PATJ: variants seen among roughly 807,000 people sequenced by gnomAD.
The protein encoded by PATJ is PATJ crumbs cell polarity complex component.
A neutral mutation model predicts 224.9 loss-of-function variants in PATJ; 190 were observed. The observed-to-expected ratio is 0.84, with a 90% CI of 0.75 to 0.95. The LOEUF (loss-of-function observed/expected upper bound fraction) is 0.95, where lower values mean the gene tolerates loss of function less well. Ranked by LOEUF, PATJ falls within the 40% of genes least tolerant of loss-of-function variation. The probability of loss-of-function intolerance (pLI) is 0.00; values close to 1 mark genes in which losing one functional copy is unlikely to be tolerated. For missense variants in PATJ, 2,121 were observed against 2,270.3 expected, an observed-to-expected ratio of 0.93 and a Z score of 1.34; for synonymous variants, 769 against 820.3, an observed-to-expected ratio of 0.94 and a Z score of 1.07.
intron 27 of PATJ, among the ~76,000 whole-genome samples, chr1:61,985,646 C>T (rs865911213): frequency 2.0e-5 from 3 of 152,002 alleles, no homozygotes; most frequent in Admixed American, 6.6e-5. Flanking sequence ...ACAGGACAAA[C>T]ACTTGATCCA....
chr1:62,142,862 C>A (rs750036176), intron 41 of PATJ, among the ~76,000 whole-genome samples: 8 of 152,096 alleles, frequency 5.3e-5, no homozygotes, highest in Non-Finnish European at 1.2e-4. Flanking sequence ...ATGGAGGGAA[C>A]TTTATATGCA....
At chr1:62,070,870 A>G (rs1162401919) in intron 31 of PATJ, among the ~76,000 whole-genome samples, 10 of 152,160 alleles carry the variant, frequency 6.6e-5, no homozygotes. Context: ...ACTGGGGTTA[A>G]ATCTTTCAGG....
intron 14 of PATJ, among the ~76,000 whole-genome samples, chr1:61,819,998 C>T (rs2148706230): frequency 6.6e-6 from 1 of 152,184 alleles, no homozygotes; most frequent in East Asian, 1.9e-4. Context: ...ATTTTGAGTA[C>T]TTGTTACATT....
At chr1:61,759,083 A>G (rs996155198) in intron 1 of PATJ, among the ~76,000 whole-genome samples, 2 of 152,200 alleles carry the variant, frequency 1.3e-5, no homozygotes, top group African/African-American at 4.8e-5. Context: ...AACCTTTATC[A>G]TGTTTGCTAG....
intron 12 of PATJ, among the ~76,000 whole-genome samples, chr1:61,802,959 G>A (rs1322509677): frequency 6.6e-6 from 1 of 152,042 alleles, no homozygotes; most frequent in Non-Finnish European, 1.5e-5. Flanking sequence ...TCTTGTCTCA[G>A]GTCAGGAAAG....
chr1:61,802,543 T>C (rs1400403461), intron 12 of PATJ, among the ~76,000 whole-genome samples: 2 of 152,160 alleles, frequency 1.3e-5, no homozygotes, highest in African/African-American at 4.8e-5. Flanking sequence ...CCCCCCAAAG[T>C]GCTGAGATTA....
At chr1:61,770,654 C>G (rs1184217480) in intron 5 of PATJ, among the ~76,000 whole-genome samples, 1 of 152,004 alleles carries the variant, frequency 6.6e-6, no homozygotes, top group Non-Finnish European at 1.5e-5. Flanking sequence ...TAAAAGGGCT[C>G]AGATTGGCCA....
In PATJ at chr1:61,821,201, T is replaced by G. The variant is rs544229578; in HGVS notation, c.1684-1744T>G. Among the ~76,000 whole-genome samples, 6 of 152,192 alleles carry G rather than the reference T, an allele frequency of 3.9e-5. No individual in the cohort carries two copies. The East Asian group carries it at 1.2e-3, about 30-fold the overall frequency. On this transcript the variant is annotated intron_variant, in intron 14 of 43. Transcript: ENST00000642238. ...CTGGGACTACAGGCGCCTGCCACCA[T>G]GCCCGGCTAATTTTTTTGTATTTTT...
At chr1:62,150,079 G>A (rs1199059309) in intron 42 of PATJ, among the ~76,000 whole-genome samples, 2 of 152,134 alleles carry the variant, frequency 1.3e-5, no homozygotes, top group Non-Finnish European at 2.9e-5. Flanking sequence ...TTGGAAATGG[G>A]GGCTGTGTTT....
chr1:61,761,447 T>C (rs1557595072), intron 1 of PATJ, among the ~76,000 whole-genome samples: 1 of 152,116 alleles, frequency 6.6e-6, no homozygotes, highest in Non-Finnish European at 1.5e-5. Flanking sequence ...AAAGGGTAGA[T>C]TAACAAGAGA....
At position 62,153,431 on chromosome 1, in the gene PATJ, G is replaced by A; in HGVS notation, c.5452G>A (p.Gly1818Arg). 1.6e-6 allele frequency: 2 copies of A among 1,231,126 alleles called. No individual in the cohort carries two copies. Among genetic ancestry groups the A allele is most frequent in the Non-Finnish European group, 2.0e-6 (2 of 987,038 alleles). 76.3% of individuals were successfully genotyped at this position (1,231,126 alleles called of 1,614,324 possible). ...GLGFSIVGGY[G>R]SPHGDLPIYV... The stretch of plus-strand genomic sequence containing the variant: ...GGGGTTTAGTATTGTAGGGGGTTAT[G>A]GAAGTCCCCATGGAGACCTGCCAAT... Residue 1818 changes from glycine to arginine, a missense_variant, in exon 43 of 44, where the codon GGA becomes AGA. Gly to Arg is a moderately radical substitution (Grantham distance 125). Coordinates refer to ENST00000642238, the MANE Select transcript of PATJ (RefSeq NM_001350145.3).
At chr1:62,071,924 C>T (rs1444349339) in intron 31 of PATJ, among the ~76,000 whole-genome samples, 1 of 152,208 alleles carries the variant, frequency 6.6e-6, no homozygotes, top group Non-Finnish European at 1.5e-5. Context: ...CTGGGTGTCT[C>T]TCAGACGTTA....
chr1:61,891,661 T>C (rs1669625578), intron 22 of PATJ, among the ~76,000 whole-genome samples: 1 of 152,212 alleles, frequency 6.6e-6, no homozygotes, highest in African/African-American at 2.4e-5. Context: ...CTTTGATTAC[T>C]AATTCAGGCT....
At chr1:61,887,651 G>A (rs958440238) in intron 22 of PATJ, among the ~76,000 whole-genome samples, 12 of 152,168 alleles carry the variant, frequency 7.9e-5, no homozygotes, top group Middle Eastern at 3.2e-3. Flanking sequence ...TCAGTGAAGA[G>A]GTCAGGGTGT....
At chr1:61,964,521 G>C (rs1409031280) in intron 27 of PATJ, among the ~76,000 whole-genome samples, 2 of 152,154 alleles carry the variant, frequency 1.3e-5, no homozygotes, top group Non-Finnish European at 2.9e-5. Context: ...GGGTGCAGTG[G>C]CTCACGCCTG....
intron 27 of PATJ, among the ~76,000 whole-genome samples, chr1:61,969,147 T>C (rs1305775408): frequency 6.6e-6 from 1 of 152,244 alleles, no homozygotes; most frequent in East Asian, 1.9e-4. Flanking sequence ...ACCTTTGAGT[T>C]GCTTCCACCT....
chr1:61,985,666 T>G lies in PATJ; in HGVS notation c.3671-4502T>G, dbSNP rs6680344. ...ACAAACACTTGATCCAGTGGTGGCATTTCTCTGCACCTGCAGATGTTCCAG... is the reference window on the plus strand; with the variant it reads ...ACAAACACTTGATCCAGTGGTGGCAGTTCTCTGCACCTGCAGATGTTCCAG... On this transcript the variant is annotated intron_variant, in intron 27 of 43. Transcript: ENST00000642238. Among the ~76,000 whole-genome samples the G allele has an allele frequency of 1.9e-3, 296 of 152,126 alleles. 5 individuals carry two copies. The highest frequency in any genetic ancestry group is 6.7e-3 in the African/African-American group (279 of 41,406).
rs143232169 is a variant in PATJ, at chr1:62,088,797, A to AAT, written c.4377+4161_4377+4162dup. Among the ~76,000 whole-genome samples, 682 of 148,536 alleles carry AAT rather than the reference A, an allele frequency of 4.6e-3. 6 individuals are homozygous for AAT. Among genetic ancestry groups the AAT allele is most frequent in the African/African-American group, 0.016 (637 of 40,770 alleles). On this transcript the variant is annotated intron_variant, in intron 33 of 43. Transcript: ENST00000642238. ...GGATCAGATATCTTATAAACAGTAG[A>AAT]ATATATATATATAGAATATATAGAA...
At chr1:61,871,079 G>GTT (rs1274894642) in intron 20 of PATJ, among the ~76,000 whole-genome samples, 5 of 64,972 alleles carry the variant, frequency 7.7e-5, no homozygotes, top group East Asian at 5.8e-4. Flanking sequence ...TGTTTTTTTT[G>GTT]TTTTTTTTTT....
Sources: gnomAD v4.1 joint callset for allele counts (sites outside exome capture counted in the v4.1 genomes callset) on GRCh38, gnomAD v4.1.1 for gene constraint, MANE v1.5 for transcripts, NCBI Gene and HGNC (gene_info 2026-07-23, HGNC 2026-07-21) for gene names.